OSBPL10: variants seen among roughly 807,000 people sequenced by gnomAD.
OSBPL10 encodes the protein oxysterol binding protein like 10, also known as oxysterol-binding protein-related protein 10.
Under a neutral mutation model 81.7 loss-of-function variants are expected in OSBPL10, and 49 were observed. The ratio of observed to expected loss-of-function variants is 0.60; its 90% CI spans 0.48 to 0.76. OSBPL10 has a LOEUF of 0.76. OSBPL10 is among the 30% of genes least tolerant of loss of function. OSBPL10 has a pLI of 0.00. For missense variants in OSBPL10, 923 were observed against 987.8 expected (o/e 0.93, Z 0.88); for synonymous variants, 419 against 383.6 (o/e 1.09, Z -1.08).
intron 4 of OSBPL10, among the ~76,000 whole-genome samples, chr3:31,762,538 T>C (rs983453739): frequency 2.0e-5 from 3 of 151,456 alleles, no homozygotes; most frequent in Non-Finnish European, 2.9e-5. Flanking sequence ...AGTGGCATGA[T>C]CACGGCTCAC....
chr3:31,923,760 C>T (rs919439469), intron 1 of OSBPL10, among the ~76,000 whole-genome samples: 5 of 152,100 alleles, frequency 3.3e-5, no homozygotes, highest in Admixed American at 1.3e-4. Flanking sequence ...GCACTCCAGC[C>T]TCAATGACAG....
chr3:31,662,026 C>G lies in OSBPL10; in HGVS notation c.*46G>C, dbSNP rs1700082674. 1.0e-5 allele frequency: 16 copies of G among 1,605,026 alleles called. No individual in the cohort carries two copies. The highest frequency in any genetic ancestry group is 1.4e-5 in the Non-Finnish European group (16 of 1,176,670). On this transcript the variant is annotated 3_prime_UTR_variant, in exon 12 of 12. Transcript: ENST00000396556. ...CCTGATACTCTACTACTTTAATATT[C>G]CTACAAAAACAGGGCTATACTGGAA...
At chr3:31,983,106 T>G (rs1187001452), upstream of OSBPL10, among the ~76,000 whole-genome samples, 1 of 152,206 alleles carries the variant, frequency 6.6e-6, no homozygotes, top group East Asian at 1.9e-4. Context: ...CCATGTAACA[T>G]GCACAAAATG....
chr3:31,728,318 A>G lies in OSBPL10; in HGVS notation c.1095+4939T>C, dbSNP rs1325868687. ...ACAGGGGTTGATAGGAGTTGACAGT[A>G]TGCTATTGAGGAACAGGCTTAAAAA... On this transcript the variant is annotated intron_variant, in intron 6 of 11. Transcript: ENST00000396556. Among the ~76,000 whole-genome samples the G allele has an allele frequency of 2.9e-4, 44 of 152,210 alleles. 1 individual carries two copies.
intron 2 of OSBPL10, among the ~76,000 whole-genome samples, chr3:31,993,123 C>T (rs754177746): frequency 6.6e-6 from 1 of 151,898 alleles, no homozygotes; most frequent in African/African-American, 2.4e-5. Context: ...ACTTGTTTCC[C>T]GCATATTCAA....
At chr3:31,671,705 A>C (rs540801604) in intron 8 of OSBPL10, among the ~76,000 whole-genome samples, 2 of 152,312 alleles carry the variant, frequency 1.3e-5, no homozygotes, top group African/African-American at 4.8e-5. Context: ...TCCAACCTAC[A>C]ACCCAAAGTG....
intron 4 of OSBPL10, among the ~76,000 whole-genome samples, chr3:31,811,008 T>C (rs1362931533): frequency 6.6e-6 from 1 of 151,872 alleles, no homozygotes; most frequent in African/African-American, 2.4e-5. Flanking sequence ...GTCGAGGAGG[T>C]CAATGAGGAC....
chr3:31,662,937 T>C (rs1416479590), intron 11 of OSBPL10: 3 of 985,446 alleles, frequency 3.0e-6, no homozygotes, highest in African/African-American at 1.7e-5. Context: ...CAGTGACCCA[T>C]AAAGGCAAAG....
At chr3:31,751,180 A>T (rs951310754) in intron 4 of OSBPL10, among the ~76,000 whole-genome samples, 1 of 151,812 alleles carries the variant, frequency 6.6e-6, no homozygotes, top group African/African-American at 2.4e-5. Flanking sequence ...AACAACAACA[A>T]AACAACAACA....
At chr3:31,663,771 A>G in intron 11 of OSBPL10, 16 of 1,259,976 alleles carry the variant, frequency 1.3e-5, no homozygotes, top group Non-Finnish European at 1.6e-5. Flanking sequence ...TAAAAATAGA[A>G]CAGTATCCAG....
chr3:31,980,828 T>TACACACACGCACGCACACACAC, intron 1 of OSBPL10, 71 bp downstream of exon 1: 1 of 1,423,624 alleles, frequency 7.0e-7, no homozygotes, highest in Admixed American at 2.8e-5. Flanking sequence ...CAGACACACA[T>TACACACACGCACGCACACACAC]ACACACACGC....
intron 2 of OSBPL10, chr3:31,879,385 A>C (rs956245514): frequency 2.6e-6 from 1 of 378,224 alleles, no homozygotes; most frequent in African/African-American, 2.1e-5. Context: ...GCTAACACTT[A>C]AGATCTTCGA....
At chr3:32,044,268 C>G (rs560764153) in intron 2 of OSBPL10, among the ~76,000 whole-genome samples, 1 of 151,582 alleles carries the variant, frequency 6.6e-6, no homozygotes, top group East Asian at 1.9e-4. Flanking sequence ...TGTTCCAAAT[C>G]TATCTTTCGT....
rs574142583 is a variant in OSBPL10 at position 31,664,148 on chromosome 3, C to T, written c.2181G>A (p.Lys727=). The T allele has an allele frequency of 1.8e-5, 29 of 1,613,912 alleles. No individual in the cohort carries two copies. The African/African-American group carries it at 3.5e-4, about 19-fold the overall frequency. ...ATEQKRHLEE[K]QRVEERKREN... The stretch of plus-strand genomic sequence containing the variant: ...CGCGCTTCCGTTCCTCCACCCGTTG[C>T]TTCTCCTCCAGGTGCCGCTTCTGCT... Residue 727 remains lysine, a synonymous_variant, in exon 11 of 12, where the codon AAG becomes AAA. Transcript: ENST00000396556.
intron 4 of OSBPL10, among the ~76,000 whole-genome samples, chr3:31,810,713 A>C (rs1220961138): frequency 1.3e-5 from 2 of 152,208 alleles, no homozygotes; most frequent in East Asian, 3.8e-4. Context: ...CTTAAGAGAA[A>C]TTTAAATTAA....
chr3:31,723,606 T>C (rs1414442081), intron 6 of OSBPL10, among the ~76,000 whole-genome samples: 1 of 150,802 alleles, frequency 6.6e-6, no homozygotes, highest in Non-Finnish European at 1.5e-5. Flanking sequence ...CCATCATCAG[T>C]ACCAAAAAAA....
chr3:32,019,194 G>A (rs928689946), intron 2 of OSBPL10, among the ~76,000 whole-genome samples: 5 of 152,058 alleles, frequency 3.3e-5, no homozygotes, highest in African/African-American at 1.2e-4. Flanking sequence ...ACAGTAGTTT[G>A]AGGAACAAGG....
intron 4 of OSBPL10, among the ~76,000 whole-genome samples, chr3:31,826,643 C>G (rs1480542525): frequency 6.6e-6 from 1 of 152,234 alleles, no homozygotes; most frequent in Middle Eastern, 3.2e-3. Context: ...CCCTGAACAG[C>G]TGGGTTAAAA....
chr3:32,030,963 C>T lies in OSBPL10; in HGVS notation n.298+15528G>A, dbSNP rs182997655. On this transcript the variant is annotated intron_variant and non_coding_transcript_variant, in intron 2 of 3. Coordinates refer to the OSBPL10 transcript ENST00000479173. ...GGTGGATCACCTGAGGTCAGGAGTTCGAGACCAGCCTGCCTAACATGGTAA... is the reference window on the plus strand; with the variant it reads ...GGTGGATCACCTGAGGTCAGGAGTTTGAGACCAGCCTGCCTAACATGGTAA... 2.3e-3 allele frequency among the ~76,000 whole-genome samples: 353 copies of T among 151,984 alleles called. 5 individuals are homozygous for T. The highest frequency in any genetic ancestry group is 7.8e-3 in the African/African-American group (323 of 41,458).
Sources: gnomAD v4.1 joint callset for allele counts (sites outside exome capture counted in the v4.1 genomes callset) on GRCh38, gnomAD v4.1.1 for gene constraint, MANE v1.5 for transcripts, NCBI Gene and HGNC (gene_info 2026-07-23, HGNC 2026-07-21) for gene names.